EPHA6: variants seen among roughly 807,000 people sequenced by gnomAD.
EPHA6 encodes ephrin type-A receptor 6.
In EPHA6, 50 loss-of-function variants were observed where a neutral mutation model predicts 112.0. The ratio of observed to expected loss-of-function variants is 0.45; its 90% CI spans 0.36 to 0.56. The LOEUF (loss-of-function observed/expected upper bound fraction) is 0.56, where lower values mean the gene tolerates loss of function less well. EPHA6 is among the 20% of genes least tolerant of loss of function. EPHA6 has a pLI of 0.00. For missense variants in EPHA6, 1,280 were observed against 1,417.4 expected (o/e 0.90, Z 1.56); for synonymous variants, 529 against 490.7 (o/e 1.08, Z -1.03).
At chr3:97,518,284 A>G (rs1252461427) in intron 10 of EPHA6, among the ~76,000 whole-genome samples, 1 of 152,136 alleles carries the variant, frequency 6.6e-6, no homozygotes, top group East Asian at 1.9e-4. Context: ...TGGCCATTAT[A>G]TCAGGTAACA....
intron 2 of EPHA6, among the ~76,000 whole-genome samples, chr3:96,872,967 C>G (rs1313755709): frequency 6.6e-6 from 1 of 151,700 alleles, no homozygotes. Flanking sequence ...CTTTTTTTCC[C>G]CATTTGATAT....
intron 14 of EPHA6, chr3:97,648,432 T>C: frequency 7.1e-7 from 1 of 1,402,534 alleles, no homozygotes; most frequent in Non-Finnish European, 9.3e-7. Flanking sequence ...GGGGAAGGTA[T>C]TTAATGTGTA....
intron 6 of EPHA6, among the ~76,000 whole-genome samples, chr3:97,407,375 C>CACACACACACA (rs1274254800): frequency 2.0e-5 from 3 of 150,008 alleles, no homozygotes; most frequent in African/African-American, 7.3e-5. Flanking sequence ...CACACACACA[C>CACACACACACA]CTTTTTAAAA....
intron 1 of EPHA6, among the ~76,000 whole-genome samples, chr3:96,841,881 A>G (rs867836020): frequency 7.2e-5 from 11 of 152,252 alleles, no homozygotes; most frequent in Non-Finnish European, 8.8e-5. Flanking sequence ...AGATTCTGGC[A>G]ACACTGCCAT....
intron 13 of EPHA6, among the ~76,000 whole-genome samples, chr3:97,632,389 G>C (rs973084296): frequency 6.6e-5 from 10 of 151,980 alleles, no homozygotes; most frequent in African/African-American, 2.4e-4. Context: ...CAGTGGGAGA[G>C]AAAAACACAT....
At chr3:97,188,611 G>A (rs1206405726) in intron 3 of EPHA6, among the ~76,000 whole-genome samples, 1 of 151,770 alleles carries the variant, frequency 6.6e-6, no homozygotes, top group Non-Finnish European at 1.5e-5. Flanking sequence ...TATTACATCT[G>A]GTGTGTGTCA....
intron 1 of EPHA6, among the ~76,000 whole-genome samples, chr3:96,830,109 T>A (rs2033962531): frequency 6.6e-6 from 1 of 152,136 alleles, no homozygotes; most frequent in Non-Finnish European, 1.5e-5. Flanking sequence ...ATTTAAAGTA[T>A]GTGTACATTT....
chr3:97,342,443 G>C (rs1009459141), intron 5 of EPHA6, among the ~76,000 whole-genome samples: 1 of 152,164 alleles, frequency 6.6e-6, no homozygotes. Flanking sequence ...CCAGTGATTT[G>C]ATTTTTGCCT....
chr3:96,979,998 G>T (rs886795546), intron 2 of EPHA6, among the ~76,000 whole-genome samples: 13 of 152,140 alleles, frequency 8.5e-5, no homozygotes, highest in African/African-American at 3.1e-4. Flanking sequence ...CCATTCTGTA[G>T]GTTGCCTGTT....
chr3:97,477,307 C>T (rs1003620581), intron 8 of EPHA6, among the ~76,000 whole-genome samples: 9 of 152,132 alleles, frequency 5.9e-5, no homozygotes, highest in African/African-American at 1.2e-4. Flanking sequence ...AAACAAAACC[C>T]CTAAACATCC....
intron 6 of EPHA6, among the ~76,000 whole-genome samples, chr3:97,435,094 T>C (rs1344281460): frequency 1.3e-5 from 2 of 152,068 alleles, no homozygotes; most frequent in Admixed American, 1.3e-4. Flanking sequence ...ACTTCTACCC[T>C]ACTTGGTTGG....
rs114608671 is a variant in EPHA6, at chr3:97,370,232, C to A, written c.1607-34918C>A. Among the ~76,000 whole-genome samples the A allele has an allele frequency of 7.6e-3, 1,156 of 152,230 alleles. 15 individuals carry two copies. The highest frequency in any genetic ancestry group is 0.027 in the African/African-American group (1,106 of 41,546). ...TGATTTGATTCTTCCAAGAGTAACT[C>A]ATTTTCCTGAAAATTAGCACAAGAA... On this transcript the variant is annotated intron_variant, in intron 5 of 17. Transcript: ENST00000389672.
intron 10 of EPHA6, among the ~76,000 whole-genome samples, chr3:97,486,396 C>A (rs2091699312): frequency 6.6e-6 from 1 of 152,178 alleles, no homozygotes; most frequent in Admixed American, 6.5e-5. Flanking sequence ...TAATTTATTC[C>A]TTTAGATCAT....
At chr3:97,151,454 A>G (rs2076168767) in intron 3 of EPHA6, among the ~76,000 whole-genome samples, 1 of 152,132 alleles carries the variant, frequency 6.6e-6, no homozygotes, top group Admixed American at 6.6e-5. Flanking sequence ...ATAAGACAGT[A>G]AATACAGATA....
chr3:97,394,943 A>G (rs2086615542), intron 5 of EPHA6, among the ~76,000 whole-genome samples: 2 of 151,796 alleles, frequency 1.3e-5, no homozygotes, highest in South Asian at 4.1e-4. Flanking sequence ...CTTTGGGCAC[A>G]CCAGATAATC....
chr3:97,529,501 T>C (rs909004993), intron 10 of EPHA6, among the ~76,000 whole-genome samples: 2 of 152,102 alleles, frequency 1.3e-5, no homozygotes, highest in African/African-American at 4.8e-5. Context: ...AACCAGTATA[T>C]ATAAATGTTC....
chr3:96,995,732 T>C (rs72916502), intron 3 of EPHA6, among the ~76,000 whole-genome samples: 6,416 of 152,200 alleles, frequency 0.042, 430 homozygotes, highest in African/African-American at 0.14. Context: ...AAAAACAATG[T>C]ACATGCTTAA....
chr3:97,040,042 T>C (rs1026563662), intron 3 of EPHA6, among the ~76,000 whole-genome samples: 2 of 151,760 alleles, frequency 1.3e-5, no homozygotes, highest in Non-Finnish European at 2.9e-5. Context: ...TTAAATTGAG[T>C]GAGAATCATA....
At chr3:97,305,866 CTTAAAA>C (rs2081298189) in intron 5 of EPHA6, among the ~76,000 whole-genome samples, 2 of 151,694 alleles carry the variant, frequency 1.3e-5, no homozygotes, top group South Asian at 2.1e-4. Flanking sequence ...TATCCTAGAA[CTTAAAA>C]TTAAATTAAA....
Sources: gnomAD v4.1 joint callset for allele counts (sites outside exome capture counted in the v4.1 genomes callset) on GRCh38, gnomAD v4.1.1 for gene constraint, MANE v1.5 for transcripts, NCBI Gene and HGNC (gene_info 2026-07-23, HGNC 2026-07-21) for gene names.